The following RANBP2 variants were observed in gnomAD, a reference collection of about 807,000 sequenced individuals.
RANBP2 encodes the protein RAN binding protein 2.
In RANBP2, 57 loss-of-function variants were observed where a neutral mutation model predicts 303.6. The ratio of observed to expected loss-of-function variants is 0.19; its 90% CI spans 0.15 to 0.23. The LOEUF (loss-of-function observed/expected upper bound fraction) is 0.23, where lower values mean the gene tolerates loss of function less well. RANBP2 is among the 10% of genes least tolerant of loss of function. The pLI is 1.00. For missense variants in RANBP2, 3,138 were observed against 3,780.8 expected (o/e 0.83, Z 4.46); for synonymous variants, 1,167 against 1,301.5 (o/e 0.90, Z 2.23).
the RANBP2 span, among the ~76,000 whole-genome samples, chr2:109,080,910 T>C: frequency 6.6e-6 from 1 of 152,132 alleles, no homozygotes; most frequent in Non-Finnish European, 1.5e-5. Context: ...TATTGGATAG[T>C]TCACAAAACC....
the RANBP2 span, among the ~76,000 whole-genome samples, chr2:109,353,821 G>A: frequency 2.0e-5 from 3 of 152,170 alleles, no homozygotes; most frequent in Admixed American, 2.0e-4. Flanking sequence ...GGAGCTGCCG[G>A]CAGTGAGAGG....
At chr2:109,372,838 CG>C in the RANBP2 span, among the ~76,000 whole-genome samples, 1 of 152,228 alleles carries the variant, frequency 6.6e-6, no homozygotes, top group Admixed American at 6.5e-5. Context: ...CGAAAGCCCA[CG>C]GGTGACACGG....
At chr2:109,717,812 G>A in the RANBP2 span, among the ~76,000 whole-genome samples, 1 of 151,446 alleles carries the variant, frequency 6.6e-6, no homozygotes. Flanking sequence ...TTCTCAGGAG[G>A]CTGAGGCAGG....
chr2:109,385,641 G>T, the RANBP2 span, among the ~76,000 whole-genome samples: 1 of 152,216 alleles, frequency 6.6e-6, no homozygotes, highest in African/African-American at 2.4e-5. Context: ...AGAGCCTGAG[G>T]TCAGCTGCTT....
At chr2:108,758,089 G>A (rs1026103195) in intron 17 of RANBP2, among the ~76,000 whole-genome samples, 1 of 152,010 alleles carries the variant, frequency 6.6e-6, no homozygotes, top group Non-Finnish European at 1.5e-5. Flanking sequence ...TTGAGGTCAG[G>A]AGTTCAAGAC....
At chr2:109,601,976 G>C in the RANBP2 span, among the ~76,000 whole-genome samples, 1 of 152,130 alleles carries the variant, frequency 6.6e-6, no homozygotes, top group South Asian at 2.1e-4. Context: ...GAAAAACCAG[G>C]ACCCATGAAT....
the RANBP2 span, among the ~76,000 whole-genome samples, chr2:108,809,957 C>T: frequency 1.3e-5 from 2 of 152,128 alleles, no homozygotes; most frequent in Non-Finnish European, 2.9e-5. Context: ...AGGCATGTGC[C>T]ACCACATCTG....
At chr2:109,732,635 C>A in the RANBP2 span, 8 of 483,668 alleles carry the variant, frequency 1.7e-5, no homozygotes, top group African/African-American at 1.6e-4. Flanking sequence ...TGCCACTGCA[C>A]CTGGCTAATT....
the RANBP2 span, among the ~76,000 whole-genome samples, chr2:109,540,687 C>T: frequency 6.7e-6 from 1 of 148,542 alleles, no homozygotes; most frequent in African/African-American, 2.5e-5. Flanking sequence ...ATTAGTTGGG[C>T]ATGGTGATGT....
chr2:109,511,434 T>C, the RANBP2 span, among the ~76,000 whole-genome samples: 3 of 152,216 alleles, frequency 2.0e-5, no homozygotes, highest in African/African-American at 4.8e-5. Context: ...CGCAATCCAG[T>C]GTGCCTCTGG....
At chr2:109,398,956 G>A in the RANBP2 span, 10 of 1,602,742 alleles carry the variant, frequency 6.2e-6, no homozygotes, top group Middle Eastern at 1.7e-4. Flanking sequence ...AACATCCCGC[G>A]GGCCAGGGCA....
chr2:109,667,319 T>A, the RANBP2 span: 1 of 595,002 alleles, frequency 1.7e-6, no homozygotes, highest in Non-Finnish European at 3.1e-6. Context: ...TTGACTGCCA[T>A]TTAGAGAGGA....
chr2:109,339,176 C>A, the RANBP2 span, among the ~76,000 whole-genome samples: 1 of 147,166 alleles, frequency 6.8e-6, no homozygotes, highest in Non-Finnish European at 1.5e-5. Flanking sequence ...GACGGGTAGG[C>A]AGAGAAGGGA....
chr2:109,273,849 G>T, the RANBP2 span, among the ~76,000 whole-genome samples: 3 of 152,096 alleles, frequency 2.0e-5, no homozygotes, highest in Non-Finnish European at 4.4e-5. Context: ...CTTATAAAGG[G>T]GTTGCTTGAA....
At chr2:109,542,321 A>G in the RANBP2 span, among the ~76,000 whole-genome samples, 513 of 152,328 alleles carry the variant, frequency 3.4e-3, 3 homozygotes, top group Middle Eastern at 0.017. Context: ...AGCAGGAGTG[A>G]GGCTTTCTCA....
At chr2:109,460,960 A>G in the RANBP2 span, among the ~76,000 whole-genome samples, 2 of 152,194 alleles carry the variant, frequency 1.3e-5, no homozygotes, top group South Asian at 2.1e-4. Flanking sequence ...GTGCCTGCAT[A>G]TGGTGCAGAA....
the RANBP2 span, among the ~76,000 whole-genome samples, chr2:108,907,660 A>C: frequency 6.6e-5 from 10 of 152,062 alleles, no homozygotes; most frequent in African/African-American, 2.4e-4. Flanking sequence ...AAAAAAAAAA[A>C]ACAAAACTCA....
the RANBP2 span, among the ~76,000 whole-genome samples, chr2:109,165,261 C>A: frequency 0.014 from 2,062 of 152,286 alleles, 61 homozygotes; most frequent in African/African-American, 0.047. Context: ...GGTTCAGAGT[C>A]ATTTTGCAGG....
At chr2:109,291,158 G>T in the RANBP2 span, among the ~76,000 whole-genome samples, 1 of 152,200 alleles carries the variant, frequency 6.6e-6, no homozygotes, top group Non-Finnish European at 1.5e-5. Flanking sequence ...TCTCATGAAC[G>T]TGGGGAGAGT....
Sources: allele counts gnomAD v4.1 joint callset (sites outside exome capture counted in the v4.1 genomes callset), GRCh38; gene constraint gnomAD v4.1.1; transcripts MANE v1.5; gene names NCBI Gene and HGNC (gene_info 2026-07-23, HGNC 2026-07-21).